STOX2: variants seen among roughly 807,000 people sequenced by gnomAD.
STOX2 encodes the protein storkhead box 2.
STOX2 carries 28 observed loss-of-function variants against 60.9 expected under a neutral mutation model. The observed-to-expected ratio is 0.46, with a 90% CI of 0.34 to 0.63. The LOEUF is 0.63. Ranked by LOEUF, STOX2 falls within the 30% of genes least tolerant of loss-of-function variation. STOX2 has a pLI of 0.01. For synonymous variants in STOX2, 472 were observed against 463.9 expected (o/e 1.02, Z -0.22); for missense variants, 1,024 against 1,187.7 (o/e 0.86, Z 2.03).
At chr4:183,898,883 C>T (rs1434064909) in intron 1 of STOX2, among the ~76,000 whole-genome samples, 1 of 152,210 alleles carries the variant, frequency 6.6e-6, no homozygotes, top group African/African-American at 2.4e-5. Context: ...CCTTGTTTCA[C>T]TGCTCTTTGC....
At chr4:183,823,289 G>A (rs900864205) in intron 1 of STOX2, among the ~76,000 whole-genome samples, 1 of 152,118 alleles carries the variant, frequency 6.6e-6, no homozygotes, top group Non-Finnish European at 1.5e-5. Flanking sequence ...CCAGCTACTC[G>A]GGAGGCTGAG....
chr4:183,851,158 CGATGAGAAAG>C (rs1740120648), intron 1 of STOX2, among the ~76,000 whole-genome samples: 1 of 15,858 alleles, frequency 6.3e-5, no homozygotes, highest in Non-Finnish European at 1.3e-4. Context: ...ATGAGAGAAA[CGATGAGAAAG>C]GATGAGGGAA....
intron 1 of STOX2, among the ~76,000 whole-genome samples, chr4:183,871,950 C>T (rs185198750): frequency 1.1e-4 from 16 of 152,054 alleles, no homozygotes; most frequent in African/African-American, 1.4e-4. Flanking sequence ...TGAAAATTTG[C>T]GCCTCATATA....
At chr4:183,827,876 C>CAA (rs59675177) in intron 1 of STOX2, among the ~76,000 whole-genome samples, 4 of 99,228 alleles carry the variant, frequency 4.0e-5, no homozygotes, top group African/African-American at 7.1e-5. Context: ...AATCCTGCCT[C>CAA]AAAAAAAAAA....
intron 1 of STOX2, among the ~76,000 whole-genome samples, chr4:183,916,538 GA>G (rs1285514077): frequency 1.3e-5 from 2 of 152,124 alleles, no homozygotes; most frequent in East Asian, 3.9e-4. Context: ...AAAGCTCTTA[GA>G]ACCAAGCTTG....
chr4:183,833,994 A>AG (rs1234301521), intron 1 of STOX2, among the ~76,000 whole-genome samples: 1 of 147,844 alleles, frequency 6.8e-6, no homozygotes, highest in African/African-American at 2.4e-5. Context: ...AAAAAAAAAA[A>AG]AAAAAAAGAA....
intron 1 of STOX2, among the ~76,000 whole-genome samples, chr4:183,937,692 G>A (rs562172355): frequency 1.3e-5 from 2 of 152,272 alleles, no homozygotes; most frequent in East Asian, 1.9e-4. Flanking sequence ...TGTTCACAAC[G>A]TGTGGCGTTT....
intron 1 of STOX2, among the ~76,000 whole-genome samples, chr4:183,912,410 C>T (rs1439181209): frequency 6.6e-6 from 1 of 152,176 alleles, no homozygotes; most frequent in African/African-American, 2.4e-5. Context: ...TCACCTCACC[C>T]TGTGCTCTGG....
chr4:183,875,407 C>T (rs1382160049), intron 1 of STOX2, among the ~76,000 whole-genome samples: 1 of 152,224 alleles, frequency 6.6e-6, no homozygotes, highest in Non-Finnish European at 1.5e-5. Flanking sequence ...GATAGCACTT[C>T]CGCAGAGGCC....
chr4:184,010,762 C>A lies in STOX2; in HGVS notation c.1924C>A (p.Gln642Lys), dbSNP rs768966714. The A allele has an allele frequency of 6.3e-7, 1 of 1,582,402 alleles. No homozygotes were observed. The change falls in exon 3 of 4, where the codon CAG becomes AAG. Residue 642 changes from glutamine to lysine, a missense_variant. Gln to Lys is a moderately conservative substitution (Grantham distance 53). Around this residue, in one of 3 missense-constraint regions of STOX2, gnomAD observed 922 missense variants for 1,058.3 expected, o/e 0.87. Coordinates refer to ENST00000308497, the MANE Select transcript of STOX2 (RefSeq NM_020225.3). This position sits in a 1 kb window ranked among gnomAD's most constrained non-coding sequence, Gnocchi z 4.5. ...GVKKLSPSDRQVPHSSREPVG... is the reference protein window; with the variant it reads ...GVKKLSPSDRKVPHSSREPVG... ...GAAAAAGCTCTCCCCTTCTGATAGG[C>A]AGGTCCCCCACTCCTCCAGGGAGCC...
intron 1 of STOX2, among the ~76,000 whole-genome samples, chr4:183,893,875 T>A (rs1741283813): frequency 6.6e-6 from 1 of 152,224 alleles, no homozygotes; most frequent in Admixed American, 6.5e-5. Flanking sequence ...ATTAGTAGCA[T>A]CCTTCTTACT....
At chr4:183,914,115 CCTG>C (rs1440469410) in intron 1 of STOX2, among the ~76,000 whole-genome samples, 1 of 152,020 alleles carries the variant, frequency 6.6e-6, no homozygotes. Flanking sequence ...TAGTGGAAAA[CCTG>C]AGTAGGCCAA....
At chr4:183,916,096 C>T (rs1741924076) in intron 1 of STOX2, among the ~76,000 whole-genome samples, 1 of 152,252 alleles carries the variant, frequency 6.6e-6, no homozygotes, top group Non-Finnish European at 1.5e-5. Context: ...GACTTCTAAT[C>T]TGGTGCTAGT....
chr4:184,001,514 G>A lies in STOX2; in HGVS notation c.319+37G>A. The A allele has an allele frequency of 4.4e-6, 7 of 1,607,954 alleles. No homozygotes were observed. The highest frequency in any genetic ancestry group is 5.9e-6 in the Non-Finnish European group (7 of 1,176,806). Reference sequence around the variant, plus strand: ...GGAACGTAGCACTTTCCAGGTGGCGGTGTGCTGTGGTCGCTCTAGGACTCA... The same window carrying A: ...GGAACGTAGCACTTTCCAGGTGGCGATGTGCTGTGGTCGCTCTAGGACTCA... On this transcript the variant is annotated intron_variant, in intron 2 of 3. Transcript: ENST00000308497. The surrounding 1 kb of genome is among the most constrained non-coding windows in gnomAD (Gnocchi z 4.2).
intron 1 of STOX2, among the ~76,000 whole-genome samples, chr4:183,849,131 G>C (rs1458980953): frequency 6.6e-6 from 1 of 152,216 alleles, no homozygotes; most frequent in Non-Finnish European, 1.5e-5. Flanking sequence ...AAATTGGCAA[G>C]AGTCCCAGGC....
At chr4:183,804,784 C>T (rs1321090088) in intron 1 of STOX2, among the ~76,000 whole-genome samples, 1 of 151,214 alleles carries the variant, frequency 6.6e-6, no homozygotes, top group African/African-American at 2.4e-5. Flanking sequence ...CTGTCAGTTT[C>T]ATTGTAATAA....
At chr4:183,817,331 G>A (rs1250717111) in intron 1 of STOX2, among the ~76,000 whole-genome samples, 3 of 152,236 alleles carry the variant, frequency 2.0e-5, no homozygotes, top group East Asian at 3.8e-4. Flanking sequence ...CACACCCGGA[G>A]GCGTGCCTTG....
rs1734652745 is a variant in STOX2, at chr4:184,023,083, A to G, written c.*5799A>G. On this transcript the variant is annotated 3_prime_UTR_variant, in exon 4 of 4. Coordinates refer to ENST00000308497, the MANE Select transcript of STOX2 (RefSeq NM_020225.3). ...TAGGGTAAATGAATTAAGACGTGCA[A>G]GTGGGATTTACTGTATGTTAGAAAG... 1 of 152,202 alleles carries G rather than the reference A, an allele frequency of 6.6e-6. No individual in the cohort carries two copies. The highest frequency in any genetic ancestry group is 1.5e-5 in the Non-Finnish European group (1 of 68,028). 9.4% of individuals were successfully genotyped at this position (152,202 alleles called of 1,614,324 possible).
At chr4:183,852,649 C>T (rs1257683958) in intron 1 of STOX2, among the ~76,000 whole-genome samples, 2 of 152,182 alleles carry the variant, frequency 1.3e-5, no homozygotes, top group Admixed American at 6.5e-5. Flanking sequence ...CCCTGTACCT[C>T]GGAAGCAGCA....
Sources: allele counts gnomAD v4.1 joint callset (sites outside exome capture counted in the v4.1 genomes callset), GRCh38; gene constraint gnomAD v4.1.1; regional missense constraint gnomAD v4.1.1; non-coding constraint Gnocchi (gnomAD v3.1); transcripts MANE v1.5; gene names NCBI Gene and HGNC (gene_info 2026-07-23, HGNC 2026-07-21).